Variants in WDR19 observed in about 807,000 individuals in gnomAD.
The protein encoded by WDR19 is WD repeat domain 19, also known as WD repeat-containing protein 19.
WDR19 carries 121 observed loss-of-function variants against 180.0 expected under a neutral mutation model. That is an observed-to-expected ratio of 0.67 (90% CI 0.58 to 0.78). The LOEUF is 0.78. Among genes scored for constraint, WDR19 ranks in the 30% least tolerant of loss-of-function variants. WDR19 has a pLI of 0.00. For missense variants in WDR19, 1,450 were observed against 1,640.7 expected, an observed-to-expected ratio of 0.88 and a Z score of 2.01; for synonymous variants, 497 against 540.7, an observed-to-expected ratio of 0.92 and a Z score of 1.12.
At chr4:39,252,000 A>C (rs1733248754) in intron 24 of WDR19, among the ~76,000 whole-genome samples, 2 of 152,172 alleles carry the variant, frequency 1.3e-5, no homozygotes, top group African/African-American at 4.8e-5. Flanking sequence ...CAGCCATCCC[A>C]TTACTAGGTA....
rs568387374 is a variant in WDR19 at position 39,271,373 on chromosome 4, A to G, written c.3483+1273A>G. 3.3e-5 allele frequency among the ~76,000 whole-genome samples: 5 copies of G among 152,362 alleles called. No individual in the cohort carries two copies. The East Asian group carries it at 5.8e-4, about 18-fold the overall frequency. The stretch of plus-strand genomic sequence containing the variant: ...TCAGTAATTATCAATACAAACAAAA[A>G]TAGATCCTGCAAACATCAAGTACTT... On this transcript the variant is annotated intron_variant, in intron 31 of 36. Coordinates refer to ENST00000399820, the MANE Select transcript of WDR19 (RefSeq NM_025132.4).
At chr4:39,199,359 C>A in intron 5 of WDR19, 119 bp from the exon 6 acceptor site, 1 of 728,782 alleles carries the variant, frequency 1.4e-6, no homozygotes, top group Non-Finnish European at 2.3e-6. Flanking sequence ...TAGACATTAA[C>A]TGCTTTGATG....
chr4:39,212,823 A>C (rs1256638377), intron 9 of WDR19, among the ~76,000 whole-genome samples: 4 of 152,192 alleles, frequency 2.6e-5, no homozygotes, highest in Non-Finnish European at 5.9e-5. Flanking sequence ...TTTAAATGTC[A>C]ATTATCTATT....
intron 29 of WDR19, among the ~76,000 whole-genome samples, chr4:39,266,667 A>T (rs1458666617): frequency 6.6e-6 from 1 of 152,268 alleles, no homozygotes; most frequent in African/African-American, 2.4e-5. Context: ...AAGATCACTG[A>T]TGTTGCAACT....
intron 25 of WDR19, 147 bp downstream of exon 25, chr4:39,253,439 C>T (rs1385458176): frequency 2.6e-5 from 24 of 932,732 alleles, no homozygotes; most frequent in Admixed American, 6.0e-5. Context: ...CAAAGGCTGT[C>T]GTGGTCAGCA....
At chr4:39,276,405 G>A (rs1487756830) in intron 33 of WDR19, among the ~76,000 whole-genome samples, 2 of 152,164 alleles carry the variant, frequency 1.3e-5, no homozygotes, top group Admixed American at 1.3e-4. Flanking sequence ...TGGGGCTCTG[G>A]CTGGGAGGAG....
intron 9 of WDR19, among the ~76,000 whole-genome samples, chr4:39,210,198 G>T (rs1366060231): frequency 5.9e-5 from 9 of 152,060 alleles, no homozygotes; most frequent in Admixed American, 1.3e-4. Flanking sequence ...TTTATACCAA[G>T]ACCAAACAAA....
In WDR19 at chr4:39,234,794, G is replaced by C; in HGVS notation, c.2282G>C (p.Ser761Thr). The C allele has an allele frequency of 6.3e-7, 1 of 1,582,750 alleles. No individual in the cohort carries two copies. The highest frequency in any genetic ancestry group is 8.6e-7 in the Non-Finnish European group (1 of 1,163,076). The change falls in exon 20 of 37, where the codon AGT becomes ACT. Residue 761 changes from serine (S) to threonine (T), a missense_variant. Coordinates refer to ENST00000399820, the MANE Select transcript of WDR19 (RefSeq NM_025132.4). ...AGAAGGGATTTACAGCATTGGGACAGTGCTCTACAACTGGCAAAGCATTTG... is the reference window on the plus strand; with the variant it reads ...AGAAGGGATTTACAGCATTGGGACACTGCTCTACAACTGGCAAAGCATTTG... The part of the protein sequence containing the change: ...EMRRDLQHWD[S>T]ALQLAKHLAP...
chr4:39,186,621 A>G lies in WDR19; in HGVS notation c.164+17A>G. ...CTTACCTGGGTAAGTACAGAAGTAG[A>G]TTTAAAAAAACCTGTCAAGTTTTGT... is the stretch of plus-strand genomic sequence containing the variant. On this transcript the variant is annotated intron_variant, in intron 3 of 36. Transcript: ENST00000399820. The G allele has an allele frequency of 2.0e-6, 3 of 1,518,994 alleles. No homozygotes were observed. Among genetic ancestry groups the G allele is most frequent in the Non-Finnish European group, 2.6e-6 (3 of 1,134,570 alleles). 94.1% of individuals were successfully genotyped at this position (1,518,994 alleles called of 1,614,324 possible).
chr4:39,219,696 G>A (rs549361595), intron 14 of WDR19, among the ~76,000 whole-genome samples: 1 of 152,230 alleles, frequency 6.6e-6, no homozygotes, highest in East Asian at 1.9e-4. Context: ...TAGGCATTCA[G>A]CAAATATTAA....
At chr4:39,232,099 TAA>T (rs113407055) in intron 18 of WDR19, 61 bp from the exon 19 acceptor site, 777 of 1,292,310 alleles carry the variant, frequency 6.0e-4, no homozygotes, top group South Asian at 9.0e-4. Context: ...TCAAAGTCCT[TAA>T]AAAAAAAAAA....
chr4:39,278,064 AAAAT>A, intron 34 of WDR19, 63 bp from the exon 35 acceptor site: 1 of 1,413,558 alleles, frequency 7.1e-7, no homozygotes, highest in South Asian at 1.3e-5. Context: ...AAAAAAAAAA[AAAAT>A]TGACTAACAG....
intron 28 of WDR19, among the ~76,000 whole-genome samples, chr4:39,264,343 A>G (rs878937388): frequency 1.3e-5 from 2 of 152,228 alleles, no homozygotes; most frequent in African/African-American, 4.8e-5. Context: ...TCATTTATGT[A>G]CCAACGTCCC....
Position 39,240,261 on chromosome 4 carries a change from C to A in WDR19, c.2364-16C>A. On this transcript the variant is annotated splice_polypyrimidine_tract_variant and intron_variant, in intron 20 of 36. Transcript: ENST00000399820. Reference sequence around the variant, plus strand: ...TATATTAAAATTATTAAAATTCACTCTTATTTTTTTTTCAGGGGTGATTAT... The same window carrying A: ...TATATTAAAATTATTAAAATTCACTATTATTTTTTTTTCAGGGGTGATTAT... The A allele has an allele frequency of 8.1e-7, 1 of 1,230,594 alleles. No homozygotes were observed. The highest frequency in any genetic ancestry group is 2.2e-5 in the South Asian group (1 of 44,694). The allele number at this position is 1,230,594 out of a possible 1,614,324, so 76.2% of individuals were successfully genotyped here.
At chr4:39,280,788 T>C (rs1290178652) in intron 36 of WDR19, among the ~76,000 whole-genome samples, 1 of 152,200 alleles carries the variant, frequency 6.6e-6, no homozygotes, top group Non-Finnish European at 1.5e-5. Flanking sequence ...ATCCCATCTC[T>C]AAATAAAAAC....
intron 17 of WDR19, among the ~76,000 whole-genome samples, chr4:39,229,900 A>C (rs1730663252): frequency 6.6e-6 from 1 of 152,192 alleles, no homozygotes; most frequent in South Asian, 2.1e-4. Flanking sequence ...TCACACATGC[A>C]CATGCCTTAA....
At chr4:39,254,930 A>G (rs1733604177) in intron 26 of WDR19, among the ~76,000 whole-genome samples, 1 of 152,108 alleles carries the variant, frequency 6.6e-6, no homozygotes, top group South Asian at 2.1e-4. Flanking sequence ...AAATGACCAT[A>G]AGAATTGATG....
At chr4:39,194,481 T>C in intron 4 of WDR19, 63 bp from the exon 5 acceptor site, 1 of 1,056,576 alleles carries the variant, frequency 9.5e-7, no homozygotes, top group Non-Finnish European at 1.3e-6. Context: ...GAGTACTTTT[T>C]TAAAGGACTG....
In WDR19 at chr4:39,189,724, G is replaced by C. The variant is rs200354828; in HGVS notation, c.233G>C (p.Cys78Ser). 3.1e-6 allele frequency: 5 copies of C among 1,611,746 alleles called. No homozygotes were observed. In the African/African-American group the frequency reaches 5.3e-5, roughly 17 times the overall value. ...VLAVIAEKSS[C>S]IYLWDANTNK... is the part of the protein sequence containing the mutation. ...GCAGTGATTGCTGAGAAATCTAGCT[G>C]CATTTATCTTTGGGATGCCAACACA... is the stretch of plus-strand genomic sequence containing the variant. Residue 78 changes from cysteine to serine, a missense_variant, in exon 4 of 37, where the codon TGC becomes TCC. By Grantham distance (112) the Cys-to-Ser change is moderately radical. Coordinates refer to ENST00000399820, the MANE Select transcript of WDR19 (RefSeq NM_025132.4).
Sources: allele counts gnomAD v4.1 joint callset (sites outside exome capture counted in the v4.1 genomes callset), GRCh38; gene constraint gnomAD v4.1.1; transcripts MANE v1.5; gene names NCBI Gene and HGNC (gene_info 2026-07-23, HGNC 2026-07-21).